SORL1-AS1: variants seen among roughly 807,000 people sequenced by gnomAD.
The protein encoded by SORL1-AS1 is SORL1 antisense RNA 1, also known as lncRNA 51 A.
At chr11:121,445,217 A>C (rs550472983), downstream of SORL1-AS1, among the ~76,000 whole-genome samples, 181 of 152,300 alleles carry the variant, frequency 1.2e-3, 1 homozygote, top group Middle Eastern at 6.8e-3. Flanking sequence ...ATGGATTTAG[A>C]GAAGGCGCAC....
At position 121,452,467 on chromosome 11, in the gene SORL1-AS1, C is replaced by G. The variant is rs200826396; in HGVS notation, n.339+208G>C. ...CGGCAGCGCGCCCTTGCCCCAGGAC[C>G]GGGGCTTCCTCGTGGTGCAGGGCGA... is the stretch of plus-strand genomic sequence containing the variant. On this transcript the variant is annotated intron_variant and non_coding_transcript_variant, in intron 1 of 1. Coordinates refer to ENST00000501964, the Ensembl canonical transcript of SORL1-AS1. This position sits in a 1 kb window ranked among gnomAD's most constrained non-coding sequence, Gnocchi z 5.3. 1.5e-4 allele frequency: 219 copies of G among 1,507,152 alleles called. No individual in the cohort carries two copies. In the African/African-American group the frequency reaches 3.0e-3, roughly 20 times the overall value. The allele number at this position is 1,507,152 out of a possible 1,614,324, so 93.4% of individuals were successfully genotyped here. A position where few individuals can be genotyped will look rare whatever the true frequency, so the allele number is the denominator to read the frequency against.
At chr11:121,446,421 A>G (rs552370525), downstream of SORL1-AS1, among the ~76,000 whole-genome samples, 2 of 152,216 alleles carry the variant, frequency 1.3e-5, no homozygotes, top group Non-Finnish European at 2.9e-5. Flanking sequence ...CTGACTGGAA[A>G]AGGGGTCTGG....
At position 121,452,701 on chromosome 11, in the gene SORL1-AS1, T is replaced by A. The variant is rs1860824280; in HGVS notation, n.313A>T. ...CCCGCATCCATCCGTTGCAGTCGCC[T>A]CCTAGGTGCAGGCACCACTGGGGAC... On this transcript the variant is annotated non_coding_transcript_exon_variant, in exon 1 of 2. Coordinates refer to ENST00000501964, the Ensembl canonical transcript of SORL1-AS1. The surrounding 1 kb of genome is among the most constrained non-coding windows in gnomAD (Gnocchi z 5.3). 5 of 1,261,494 alleles carry A rather than the reference T, an allele frequency of 4.0e-6. 1 individual carries two copies. The South Asian group carries it at 9.2e-5, about 23-fold the overall frequency. 78.1% of individuals were successfully genotyped at this position (1,261,494 alleles called of 1,614,324 possible).
the SORL1-AS1 span, among the ~76,000 whole-genome samples, chr11:121,438,693 A>G: frequency 2.0e-5 from 3 of 152,210 alleles, no homozygotes; most frequent in Non-Finnish European, 4.4e-5. Context: ...TCTTTAGTCT[A>G]TTGATAGACA....
the SORL1-AS1 span, among the ~76,000 whole-genome samples, chr11:121,438,206 G>A: frequency 1.2e-4 from 19 of 152,248 alleles, no homozygotes; most frequent in African/African-American, 2.9e-4. Flanking sequence ...AATTTGAACC[G>A]TCCACAATAT....
At chr11:121,440,738 G>T in the SORL1-AS1 span, among the ~76,000 whole-genome samples, 1 of 152,156 alleles carries the variant, frequency 6.6e-6, no homozygotes, top group Admixed American at 6.5e-5. Context: ...GACTTGCTGG[G>T]GTTCCCTTCT....
intron 1 of SORL1-AS1, among the ~76,000 whole-genome samples, chr11:121,451,279 C>T (rs1860787432): frequency 6.6e-6 from 1 of 152,182 alleles, no homozygotes; most frequent in Non-Finnish European, 1.5e-5. Flanking sequence ...TTGGGCGTAC[C>T]TTAGCAGTTC....
chr11:121,452,000 G>GC (rs1860800052), intron 1 of SORL1-AS1, among the ~76,000 whole-genome samples: 1 of 152,302 alleles, frequency 6.6e-6, no homozygotes, highest in Non-Finnish European at 1.5e-5. Flanking sequence ...AAGGAGGTGT[G>GC]CCCGCCAGGG....
chr11:121,442,240 T>C, the SORL1-AS1 span, among the ~76,000 whole-genome samples: 1 of 152,182 alleles, frequency 6.6e-6, no homozygotes, highest in Non-Finnish European at 1.5e-5. Flanking sequence ...CTTTACTAGA[T>C]GCAGATGCGA....
At position 121,452,751 on chromosome 11, in the gene SORL1-AS1, C is replaced by T; in HGVS notation, n.263G>A. On this transcript the variant is annotated non_coding_transcript_exon_variant, in exon 1 of 2. Coordinates refer to ENST00000501964, the Ensembl canonical transcript of SORL1-AS1. The surrounding 1 kb of genome is among the most constrained non-coding windows in gnomAD (Gnocchi z 5.3). ...CTTCCCGGCTTGCATTTGTTTTTTT[C>T]CTTCACGAGTACAACCGTCAGCACT... 2 of 722,170 alleles carry T rather than the reference C, an allele frequency of 2.8e-6. No homozygotes were observed. Among genetic ancestry groups the T allele is most frequent in the Non-Finnish European group, 4.1e-6 (2 of 484,888 alleles). The allele number at this position is 722,170 out of a possible 1,614,324, so 44.7% of individuals were successfully genotyped here.
chr11:121,441,153 T>C, the SORL1-AS1 span, among the ~76,000 whole-genome samples: 3 of 152,186 alleles, frequency 2.0e-5, no homozygotes, highest in African/African-American at 7.2e-5. Context: ...CTATTGGTTG[T>C]TCTTGGTATT....
intron 1 of SORL1-AS1, among the ~76,000 whole-genome samples, chr11:121,451,306 T>C (rs1591538902): frequency 6.6e-6 from 1 of 152,238 alleles, no homozygotes; most frequent in African/African-American, 2.4e-5. Flanking sequence ...AGAAGTTTTA[T>C]CTCCTGTGGT....
chr11:121,440,747 C>G, the SORL1-AS1 span, among the ~76,000 whole-genome samples: 6 of 152,226 alleles, frequency 3.9e-5, no homozygotes, highest in African/African-American at 1.4e-4. Context: ...GGGTTCCCTT[C>G]TCAGTCTATT....
chr11:121,451,696 A>C (rs143689790), intron 1 of SORL1-AS1, among the ~76,000 whole-genome samples: 298 of 152,294 alleles, frequency 2.0e-3, no homozygotes, highest in Middle Eastern at 0.014. Context: ...GCCCCTGCAA[A>C]TACGTTGTGG....
chr11:121,452,458 C>T lies in SORL1-AS1; in HGVS notation n.339+217G>A. The stretch of plus-strand genomic sequence containing the variant: ...GCTGCACGGCGGCAGCGCGCCCTTG[C>T]CCCAGGACCGGGGCTTCCTCGTGGT... On this transcript the variant is annotated intron_variant and non_coding_transcript_variant, in intron 1 of 1. Transcript: ENST00000501964. The surrounding 1 kb of genome is among the most constrained non-coding windows in gnomAD (Gnocchi z 5.3). 2 of 1,508,754 alleles carry T rather than the reference C, an allele frequency of 1.3e-6. No individual in the cohort carries two copies. The highest frequency in any genetic ancestry group is 1.8e-6 in the Non-Finnish European group (2 of 1,129,880). The allele number at this position is 1,508,754 out of a possible 1,614,324, so 93.5% of individuals were successfully genotyped here. A position where few individuals can be genotyped will look rare whatever the true frequency, so the allele number is the denominator to read the frequency against.
downstream of SORL1-AS1, among the ~76,000 whole-genome samples, chr11:121,445,234 G>A (rs569100994): frequency 1.2e-3 from 185 of 152,280 alleles, no homozygotes; most frequent in African/African-American, 4.2e-3. Flanking sequence ...GCACAGTGAG[G>A]GGCGTGATCT....
downstream of SORL1-AS1, among the ~76,000 whole-genome samples, chr11:121,442,685 ATTTATTTT>A (rs1421386877): frequency 2.9e-5 from 4 of 138,158 alleles, no homozygotes; most frequent in East Asian, 2.1e-4. Context: ...TTATTTATTT[ATTTATTTT>A]TTTGAGATGG....
chr11:121,443,567 G>A (rs1336829371), downstream of SORL1-AS1, among the ~76,000 whole-genome samples: 1 of 152,176 alleles, frequency 6.6e-6, no homozygotes, highest in African/African-American at 2.4e-5. Context: ...TCATGTATAT[G>A]TGTATAAATT....
chr11:121,440,984 G>A, the SORL1-AS1 span, among the ~76,000 whole-genome samples: 1 of 152,110 alleles, frequency 6.6e-6, no homozygotes, highest in Non-Finnish European at 1.5e-5. Context: ...GTGAGGAAAG[G>A]GATCACTCCT....
Sources: allele counts gnomAD v4.1 joint callset (sites outside exome capture counted in the v4.1 genomes callset), GRCh38; gene constraint gnomAD v4.1.1; non-coding constraint Gnocchi (gnomAD v3.1); transcripts MANE v1.5; gene names NCBI Gene and HGNC (gene_info 2026-07-23, HGNC 2026-07-21).